PPL: variants seen among roughly 807,000 people sequenced by gnomAD.
The protein encoded by PPL is 190 kDa paraneoplastic pemphigus antigen.
Under a neutral mutation model 194.4 loss-of-function variants are expected in PPL, and 198 were observed. The observed-to-expected ratio is 1.02, with a 90% CI of 0.91 to 1.15. The LOEUF is 1.15. Among genes scored for constraint, PPL ranks in the 50% most tolerant of loss-of-function variants. PPL has a pLI of 0.00. For missense variants in PPL, 2,885 were observed against 2,294.8 expected (o/e 1.26, Z -5.25); for synonymous variants, 1,220 against 972.4 (o/e 1.25, Z -4.74).
In PPL at chr16:4,885,451, T is replaced by G; in HGVS notation, c.3204A>C (p.Ala1068=). 1.2e-6 allele frequency: 2 copies of G among 1,612,356 alleles called. No individual in the cohort carries two copies. Among genetic ancestry groups the G allele is most frequent in the Non-Finnish European group, 1.7e-6 (2 of 1,179,918 alleles). The change falls in exon 22 of 22, where the codon GCA becomes GCC. Residue 1068 remains alanine (A), a synonymous_variant. Coordinates refer to ENST00000345988, the MANE Select transcript of PPL (RefSeq NM_002705.5). The surrounding 1 kb of genome is among the most constrained non-coding windows in gnomAD (Gnocchi z 6.3). ...VKLQNDPQLE[A]EYQQLQEDHQ... ...GGTCCTCCTGCAGCTGCTGGTACTC[T>G]GCCTCCAGCTGGGGGTCATTCTGCA... is the stretch of plus-strand genomic sequence containing the variant.
chr16:4,904,138 C>T, intron 2 of PPL, 98 bp from the exon 3 acceptor site: 1 of 1,286,716 alleles, frequency 7.8e-7, no homozygotes, highest in Non-Finnish European at 1.1e-6. Context: ...AGGGTGCTCC[C>T]CTTCTTTCCC....
chr16:4,899,698 A>G (rs1348275195), intron 6 of PPL, among the ~76,000 whole-genome samples: 1 of 152,176 alleles, frequency 6.6e-6, no homozygotes, highest in Non-Finnish European at 1.5e-5. Context: ...CGGAACTGAC[A>G]TTTTTGTGAA....
At position 4,934,110 on chromosome 16, in the gene PPL, C is replaced by G. The variant is rs182594112; in HGVS notation, c.62+2874G>C. On this transcript the variant is annotated intron_variant, in intron 1 of 21. Coordinates refer to ENST00000345988, the MANE Select transcript of PPL (RefSeq NM_002705.5). The stretch of plus-strand genomic sequence containing the variant: ...GCAGCGGGTCTCCTCCAGGGCCTCT[C>G]TACTAGGCTGGAGGCTGTCCTCGGT... Among the ~76,000 whole-genome samples, 574 of 152,326 alleles carry G rather than the reference C, an allele frequency of 3.8e-3. 3 individuals carry two copies. The highest frequency in any genetic ancestry group is 5.6e-3 in the Non-Finnish European group (381 of 68,022).
chr16:4,915,057 C>T (rs767047548), intron 1 of PPL, among the ~76,000 whole-genome samples: 1 of 152,242 alleles, frequency 6.6e-6, no homozygotes, highest in Non-Finnish European at 1.5e-5. Context: ...GGGCCTTTGT[C>T]TCTCTTGGGC....
rs760662169 is a variant in PPL at position 4,898,984 on chromosome 16, G to A, written c.876+29C>T. 29 of 1,594,980 alleles carry A rather than the reference G, an allele frequency of 1.8e-5. No individual in the cohort carries two copies. The South Asian group carries it at 2.1e-4, about 12-fold the overall frequency. ...GCGGCCAACCAGAAGCCACCCTGGG[G>A]GAGGTGTCTGGTCTCGGGGTGCATG... On this transcript the variant is annotated intron_variant, in intron 8 of 21. Transcript: ENST00000345988.
At chr16:4,916,993 G>A (rs914971437) in intron 1 of PPL, among the ~76,000 whole-genome samples, 1 of 152,054 alleles carries the variant, frequency 6.6e-6, no homozygotes, top group Non-Finnish European at 1.5e-5. Context: ...TTAGCTGGGC[G>A]TGGTGGTATG....
intron 19 of PPL, 143 bp from the exon 20 acceptor site, chr16:4,888,361 G>T: frequency 1.6e-6 from 1 of 614,118 alleles, no homozygotes; most frequent in East Asian, 2.8e-5. Context: ...CCTCACAGCT[G>T]CACCCTGCAG....
chr16:4,926,183 G>A (rs1458276205), intron 1 of PPL, among the ~76,000 whole-genome samples: 1 of 152,190 alleles, frequency 6.6e-6, no homozygotes, highest in Non-Finnish European at 1.5e-5. Flanking sequence ...CATTGCAGAT[G>A]AGGAAACTGA....
At position 4,902,495 on chromosome 16, in the gene PPL, G is replaced by A; in HGVS notation, c.349C>T (p.Leu117=). 6.2e-7 allele frequency: 1 copy of A among 1,613,780 alleles called. No homozygotes were observed. Among genetic ancestry groups the A allele is most frequent in the Non-Finnish European group, 8.5e-7 (1 of 1,179,842 alleles). The part of the protein sequence containing the change: ...IRQLKERVTN[L]RGKHKQIYRL... Reference sequence around the variant, plus strand: ...TAGATCTGCTTGTGTTTCCCGCGCAGGTTGGTCACACGCTCCTTCAGCTGG... The same window carrying A: ...TAGATCTGCTTGTGTTTCCCGCGCAAGTTGGTCACACGCTCCTTCAGCTGG... Residue 117 remains leucine (L), a synonymous_variant, in exon 4 of 22, where the codon CTG becomes TTG. Coordinates refer to ENST00000345988, the MANE Select transcript of PPL (RefSeq NM_002705.5). This position sits in a 1 kb window ranked among gnomAD's most constrained non-coding sequence, Gnocchi z 4.0.
intron 12 of PPL, 90 bp downstream of exon 12, chr16:4,894,377 C>CT: frequency 6.6e-7 from 1 of 1,522,564 alleles, no homozygotes; most frequent in Non-Finnish European, 8.9e-7. Flanking sequence ...TCCCCACAGG[C>CT]TGAGTCCAAA....
At chr16:4,898,436 G>C (rs781070472) in intron 8 of PPL, among the ~76,000 whole-genome samples, 1 of 152,198 alleles carries the variant, frequency 6.6e-6, no homozygotes, top group Non-Finnish European at 1.5e-5. Context: ...TTGGGAATAA[G>C]ATCTTTGCAG....
At chr16:4,918,292 CAA>C (rs145927654) in intron 1 of PPL, among the ~76,000 whole-genome samples, 2 of 138,442 alleles carry the variant, frequency 1.4e-5, no homozygotes, top group African/African-American at 5.5e-5. Context: ...GACTCCATTT[CAA>C]AAAAAAAAAA....
chr16:4,934,679 A>T (rs1470845966), intron 1 of PPL, among the ~76,000 whole-genome samples: 1 of 152,052 alleles, frequency 6.6e-6, no homozygotes, highest in Non-Finnish European at 1.5e-5. Context: ...AGAGTGAAGG[A>T]ATAACTTGGG....
intron 12 of PPL, 78 bp downstream of exon 12, chr16:4,894,389 C>T (rs2142348277): frequency 6.4e-7 from 1 of 1,555,156 alleles, no homozygotes; most frequent in Non-Finnish European, 8.7e-7. Flanking sequence ...GAGTCCAAAT[C>T]CCCGGGGCTA....
intron 1 of PPL, among the ~76,000 whole-genome samples, chr16:4,929,523 C>T (rs1164609958): frequency 6.6e-6 from 1 of 152,188 alleles, no homozygotes; most frequent in African/African-American, 2.4e-5. Context: ...TGAAAAGAAT[C>T]AGCCACGCAT....
chr16:4,912,192 C>T (rs867548984), intron 1 of PPL, among the ~76,000 whole-genome samples: 2 of 152,352 alleles, frequency 1.3e-5, no homozygotes, highest in Admixed American at 6.5e-5. Flanking sequence ...TCCACACCCA[C>T]AAGCTGTCAC....
At chr16:4,888,772 A>G (rs1328014748) in intron 19 of PPL, 2 of 556,108 alleles carry the variant, frequency 3.6e-6, no homozygotes, top group African/African-American at 1.9e-5. Context: ...ACTGCTTCAG[A>G]GTATAAAACC....
Position 4,888,156 on chromosome 16 carries a change from G to A in PPL, c.2460C>T (p.Ser820=), listed in dbSNP as rs143644912. 5.0e-6 allele frequency: 8 copies of A among 1,613,984 alleles called. No homozygotes were observed. The highest frequency in any genetic ancestry group is 1.3e-5 in the African/African-American group (1 of 75,036). The change falls in exon 20 of 22, where the codon AGC becomes AGT. Residue 820 remains serine, a synonymous_variant. Transcript: ENST00000345988. ...SLLDLENGRR[S]HVSKRARLQS... The stretch of plus-strand genomic sequence containing the variant: ...GGAGCCTGGCTCTCTTGCTCACGTG[G>A]CTTCTCCTTCCATTCTCCAAGTCGA...
chr16:4,908,516 G>A (rs928165147), intron 2 of PPL, among the ~76,000 whole-genome samples: 5 of 151,620 alleles, frequency 3.3e-5, no homozygotes, highest in Non-Finnish European at 7.4e-5. Context: ...TCTGGTGGTG[G>A]AATTCTACAT....
Sources: gnomAD v4.1 joint callset for allele counts (sites outside exome capture counted in the v4.1 genomes callset) on GRCh38, gnomAD v4.1.1 for gene constraint, Gnocchi (gnomAD v3.1) non-coding constraint, MANE v1.5 for transcripts, NCBI Gene and HGNC (gene_info 2026-07-23, HGNC 2026-07-21) for gene names.